Variants in CHRM2 observed in about 807,000 individuals in gnomAD.
CHRM2 encodes cholinergic receptor muscarinic 2.
Under a neutral mutation model 25.0 loss-of-function variants are expected in CHRM2, and 8 were observed. That is an observed-to-expected ratio of 0.32 (90% CI 0.19 to 0.58). The LOEUF (loss-of-function observed/expected upper bound fraction) is 0.58, where lower values mean the gene tolerates loss of function less well. Among genes scored for constraint, CHRM2 ranks in the 20% least tolerant of loss-of-function variants. CHRM2 has a pLI of 0.88. For missense variants in CHRM2, 440 were observed against 567.1 expected (o/e 0.78, Z 2.28); for synonymous variants, 202 against 205.7 (o/e 0.98, Z 0.15).
chr7:136,998,465 T>C (rs17168865), intron 3 of CHRM2, among the ~76,000 whole-genome samples: 8,228 of 152,234 alleles, frequency 0.054, 306 homozygotes, highest in African/African-American at 0.1. Context: ...AGTGACATCA[T>C]CTCTGACCTC....
chr7:136,903,961 T>G (rs145282971), intron 2 of CHRM2, among the ~76,000 whole-genome samples: 81 of 152,022 alleles, frequency 5.3e-4, no homozygotes, highest in African/African-American at 1.9e-3. Flanking sequence ...GTTATTTGTT[T>G]TCCTGATACT....
chr7:136,876,429 G>A (rs942821305), intron 2 of CHRM2, among the ~76,000 whole-genome samples: 1 of 152,014 alleles, frequency 6.6e-6, no homozygotes, highest in Non-Finnish European at 1.5e-5. Context: ...ATGCCCTGAT[G>A]TTTCCAAATA....
At chr7:136,874,809 G>A (rs945342541) in intron 2 of CHRM2, among the ~76,000 whole-genome samples, 1 of 151,692 alleles carries the variant, frequency 6.6e-6, no homozygotes, top group South Asian at 2.1e-4. Flanking sequence ...GTCAAATGTT[G>A]TTTACTATGT....
Position 136,881,346 on chromosome 7 carries a change from G to A in CHRM2, c.-125+11928G>A, listed in dbSNP as rs1260907294. The stretch of plus-strand genomic sequence containing the variant: ...TGGCTTGATAGTTCCCTTCTTTTTA[G>A]CACTGAATGACAGTCCATTGCATTC... On this transcript the variant is annotated intron_variant, in intron 2 of 3. Transcript: ENST00000680005. Among the ~76,000 whole-genome samples, 3 of 151,202 alleles carry A rather than the reference G, an allele frequency of 2.0e-5. No individual in the cohort carries two copies. In the East Asian group the frequency reaches 5.8e-4, roughly 29 times the overall value.
chr7:136,981,206 C>G (rs909538589), intron 2 of CHRM2, among the ~76,000 whole-genome samples: 1 of 152,120 alleles, frequency 6.6e-6, no homozygotes, highest in Non-Finnish European at 1.5e-5. Context: ...TCCATTTCTT[C>G]TAGATTTTTT....
In CHRM2 at chr7:137,018,786, G is replaced by A. The variant is rs1805301005; in HGVS notation, c.*2520G>A. Reference sequence around the variant, plus strand: ...AAATTGAAGATAGGCTGACACCATGGAAACTACGTCAAACAGATAAGAAAA... The same window carrying A: ...AAATTGAAGATAGGCTGACACCATGAAAACTACGTCAAACAGATAAGAAAA... On this transcript the variant is annotated 3_prime_UTR_variant, in exon 4 of 4. Coordinates refer to ENST00000680005, the MANE Select transcript of CHRM2 (RefSeq NM_001006630.2). 1 of 151,872 alleles carries A rather than the reference G, an allele frequency of 6.6e-6. No homozygotes were observed. Among genetic ancestry groups the A allele is most frequent in the African/African-American group, 2.4e-5 (1 of 41,416 alleles). 9.4% of individuals were successfully genotyped at this position (151,872 alleles called of 1,614,324 possible). A position where few individuals can be genotyped will look rare whatever the true frequency, so the allele number is the denominator to read the frequency against.
chr7:137,004,744 C>T (rs1287083100), intron 3 of CHRM2, among the ~76,000 whole-genome samples: 5 of 152,088 alleles, frequency 3.3e-5, no homozygotes, highest in African/African-American at 1.2e-4. Flanking sequence ...GCTTTAGATA[C>T]AAAAATCTTT....
intron 2 of CHRM2, among the ~76,000 whole-genome samples, chr7:136,909,454 G>A (rs1010043242): frequency 6.6e-6 from 1 of 151,864 alleles, no homozygotes; most frequent in Non-Finnish European, 1.5e-5. Context: ...TCATGAGTTA[G>A]GTAATAATTT....
chr7:136,932,887 G>A (rs1799187499), intron 2 of CHRM2, among the ~76,000 whole-genome samples: 1 of 152,052 alleles, frequency 6.6e-6, no homozygotes, highest in South Asian at 2.1e-4. Context: ...AAAATTAGCT[G>A]GGCATGGTGG....
At chr7:136,962,105 T>C (rs759600434) in intron 2 of CHRM2, among the ~76,000 whole-genome samples, 15 of 151,554 alleles carry the variant, frequency 9.9e-5, no homozygotes, top group Non-Finnish European at 1.9e-4. Context: ...AACTCTGCAG[T>C]AATGACTGTC....
intron 2 of CHRM2, among the ~76,000 whole-genome samples, chr7:136,886,835 T>G (rs116567016): frequency 1.3e-5 from 2 of 152,138 alleles, no homozygotes; most frequent in Admixed American, 6.5e-5. Flanking sequence ...ATTGCACCAC[T>G]GCACACTACC....
intron 2 of CHRM2, among the ~76,000 whole-genome samples, chr7:136,886,198 C>T (rs1368517611): frequency 6.6e-6 from 1 of 152,192 alleles, no homozygotes; most frequent in African/African-American, 2.4e-5. Context: ...GGTCAAATGG[C>T]AACATCTAGC....
chr7:136,906,670 C>G (rs116055709), intron 2 of CHRM2, among the ~76,000 whole-genome samples: 2 of 151,350 alleles, frequency 1.3e-5, no homozygotes, highest in Non-Finnish European at 3.0e-5. Context: ...ATATTTTGAG[C>G]GAATGCATAT....
chr7:136,945,316 T>C (rs370427537), intron 2 of CHRM2, among the ~76,000 whole-genome samples: 1 of 152,138 alleles, frequency 6.6e-6, no homozygotes, highest in South Asian at 2.1e-4. Context: ...AGCCAATGTC[T>C]AGAAGGGCTT....
intron 3 of CHRM2, among the ~76,000 whole-genome samples, chr7:137,003,107 G>A (rs1445416639): frequency 6.6e-6 from 1 of 152,120 alleles, no homozygotes; most frequent in Non-Finnish European, 1.5e-5. Flanking sequence ...ATGCATCACA[G>A]TTAACTGGGT....
chr7:136,987,679 G>A (rs1329827295), intron 2 of CHRM2, among the ~76,000 whole-genome samples: 1 of 152,140 alleles, frequency 6.6e-6, no homozygotes, highest in Non-Finnish European at 1.5e-5. Flanking sequence ...TGAACTATAC[G>A]GAGGCAAGGA....
At chr7:137,002,658 G>C (rs534634407) in intron 3 of CHRM2, among the ~76,000 whole-genome samples, 66 of 152,226 alleles carry the variant, frequency 4.3e-4, no homozygotes, top group African/African-American at 9.4e-4. Context: ...GGATACCACA[G>C]AATGACAGTG....
chr7:136,949,981 G>A (rs1046431118), intron 2 of CHRM2, among the ~76,000 whole-genome samples: 2 of 152,026 alleles, frequency 1.3e-5, no homozygotes, highest in Admixed American at 1.3e-4. Context: ...AATGTAGACA[G>A]GATCACATTT....
At chr7:136,896,269 G>C (rs1385926289) in intron 2 of CHRM2, among the ~76,000 whole-genome samples, 1 of 152,136 alleles carries the variant, frequency 6.6e-6, no homozygotes, top group Non-Finnish European at 1.5e-5. Context: ...TGGAAAGTCA[G>C]TATCAGTTTT....
Sources: gnomAD v4.1 joint callset for allele counts (sites outside exome capture counted in the v4.1 genomes callset) on GRCh38, gnomAD v4.1.1 for gene constraint, MANE v1.5 for transcripts, NCBI Gene and HGNC (gene_info 2026-07-23, HGNC 2026-07-21) for gene names.